APLF: variants seen among roughly 807,000 people sequenced by gnomAD.
APLF encodes aprataxin and PNKP like factor.
A neutral mutation model predicts 55.6 loss-of-function variants in APLF; 61 were observed. The observed-to-expected ratio is 1.10, with a 90% CI of 0.89 to 1.36. APLF has a LOEUF of 1.36. Among genes scored for constraint, APLF ranks in the 40% most tolerant of loss-of-function variants. The pLI, the probability that APLF is intolerant of heterozygous loss-of-function variation, is 0.00. For synonymous variants in APLF, 207 were observed against 214.8 expected (o/e 0.96, Z 0.32); for missense variants, 611 against 602.5 (o/e 1.01, Z -0.15).
Position 68,490,185 on chromosome 2 carries a change from T to C in APLF, c.97-5T>C, listed in dbSNP as rs1180340103. ...TCTTAATCTTTTAATTTTTTTACTG[T>C]ATAGATAACAGACAAGAGAGTATCC... is the stretch of plus-strand genomic sequence containing the variant. On this transcript the variant is annotated splice_region_variant and splice_polypyrimidine_tract_variant and intron_variant, in intron 1 of 9. Coordinates refer to ENST00000303795, the MANE Select transcript of APLF (RefSeq NM_173545.3). 6.3e-7 allele frequency: 1 copy of C among 1,595,924 alleles called. No homozygotes were observed. Among genetic ancestry groups the C allele is most frequent in the Non-Finnish European group, 8.5e-7 (1 of 1,174,260 alleles).
intron 2 of APLF, among the ~76,000 whole-genome samples, chr2:68,499,055 C>G (rs1358013946): frequency 1.3e-5 from 2 of 151,688 alleles, no homozygotes; most frequent in Non-Finnish European, 2.9e-5. Flanking sequence ...AAACAAAACA[C>G]TGAAAATAAG....
chr2:68,558,751 C>T (rs921657381), intron 8 of APLF, among the ~76,000 whole-genome samples: 20 of 152,204 alleles, frequency 1.3e-4, no homozygotes, highest in Middle Eastern at 3.4e-3. Flanking sequence ...AGGTATTAAG[C>T]CCAGCATCCA....
At chr2:68,523,329 C>T (rs1669944728) in intron 5 of APLF, among the ~76,000 whole-genome samples, 1 of 151,982 alleles carries the variant, frequency 6.6e-6, no homozygotes, top group East Asian at 1.9e-4. Flanking sequence ...GGAGTATTAT[C>T]GAACATTGCT....
Position 68,503,572 on chromosome 2 carries a change from A to G in APLF, c.341+669A>G, listed in dbSNP as rs1335746514. Among the ~76,000 whole-genome samples, 6 of 152,292 alleles carry G rather than the reference A, an allele frequency of 3.9e-5. No individual in the cohort carries two copies. In the South Asian group the frequency reaches 8.3e-4, roughly 21 times the overall value. On this transcript the variant is annotated intron_variant, in intron 3 of 9. Transcript: ENST00000303795. ...TTAACAATAAAATAGCTACACAAATATACAAATACTTTGAAATTAAATAAC... is the reference window on the plus strand; with the variant it reads ...TTAACAATAAAATAGCTACACAAATGTACAAATACTTTGAAATTAAATAAC...
chr2:68,565,002 G>A (rs1367312359), intron 8 of APLF, among the ~76,000 whole-genome samples: 1 of 151,972 alleles, frequency 6.6e-6, no homozygotes, highest in Non-Finnish European at 1.5e-5. Flanking sequence ...CATTTTCTCA[G>A]CTTTGTTACC....
chr2:68,567,700 A>T (rs1046489432), intron 9 of APLF, among the ~76,000 whole-genome samples: 1 of 152,082 alleles, frequency 6.6e-6, no homozygotes, highest in African/African-American at 2.4e-5. Flanking sequence ...AAACGTCCAG[A>T]GCTAGGGCTG....
rs1675476322 is a variant in APLF, at chr2:68,467,818, G to C, written c.87G>C (p.Pro29=). 1 of 1,233,126 alleles carries C rather than the reference G, an allele frequency of 8.1e-7. No individual in the cohort carries two copies. Among genetic ancestry groups the C allele is most frequent in the Non-Finnish European group, 1.0e-6 (1 of 988,110 alleles). 76.4% of individuals were successfully genotyped at this position (1,233,126 alleles called of 1,614,324 possible). A position where few individuals can be genotyped will look rare whatever the true frequency, so the allele number is the denominator to read the frequency against. ...GGGAGACGGTGATCGGCCGCGGGCC[G>C]CTGCTGGGAGTAAGTGTGGGCGGGG... ...APGETVIGRG[P]LLGITDKRVS... Residue 29 remains proline, a synonymous_variant, in exon 1 of 10, where the codon CCG becomes CCC. Coordinates refer to ENST00000303795, the MANE Select transcript of APLF (RefSeq NM_173545.3).
At chr2:68,472,741 T>C (rs1359644636) in intron 1 of APLF, among the ~76,000 whole-genome samples, 2 of 152,160 alleles carry the variant, frequency 1.3e-5, no homozygotes, top group African/African-American at 2.4e-5. Context: ...CTCTAAGATA[T>C]GGTGTGTTGG....
At chr2:68,470,822 C>T (rs900364288) in intron 1 of APLF, among the ~76,000 whole-genome samples, 1 of 152,104 alleles carries the variant, frequency 6.6e-6, no homozygotes, top group African/African-American at 2.4e-5. Context: ...GAGAAGAGTC[C>T]TCAGTTGGGG....
chr2:68,502,953 C>T (rs1358132756), intron 3 of APLF, 50 bp downstream of exon 3: 4 of 1,551,944 alleles, frequency 2.6e-6, no homozygotes, highest in Non-Finnish European at 3.5e-6. Context: ...AATCTAATTC[C>T]TCAGCCATCA....
chr2:68,520,036 T>G (rs1669850289), intron 5 of APLF, among the ~76,000 whole-genome samples: 1 of 152,028 alleles, frequency 6.6e-6, no homozygotes, highest in Non-Finnish European at 1.5e-5. Context: ...GATAATGCAC[T>G]GTGGTTTTGA....
chr2:68,572,062 C>T (rs1038097466), intron 9 of APLF, among the ~76,000 whole-genome samples: 2 of 145,522 alleles, frequency 1.4e-5, no homozygotes, highest in African/African-American at 5.6e-5. Flanking sequence ...CTTTTTTATT[C>T]AGAAGTTGAA....
chr2:68,471,238 T>C (rs527807889), intron 1 of APLF, among the ~76,000 whole-genome samples: 1 of 152,074 alleles, frequency 6.6e-6, no homozygotes, highest in South Asian at 2.1e-4. Flanking sequence ...GAAGTGAATT[T>C]AAATATAGTA....
rs973324426 is a variant in APLF at position 68,567,251 on chromosome 2, G to A, written c.1287-90G>A. On this transcript the variant is annotated intron_variant, in intron 8 of 9. Coordinates refer to ENST00000303795, the MANE Select transcript of APLF (RefSeq NM_173545.3). Reference sequence around the variant, plus strand: ...GGCCTATTGGGTCCTAAGTTTATTTGTAAGTTAGTCAGTGTTCTGGTTTAG... The same window carrying A: ...GGCCTATTGGGTCCTAAGTTTATTTATAAGTTAGTCAGTGTTCTGGTTTAG... 9 of 1,109,606 alleles carry A rather than the reference G, an allele frequency of 8.1e-6. No homozygotes were observed. In the African/African-American group the frequency reaches 1.1e-4, roughly 14 times the overall value. 68.7% of individuals were successfully genotyped at this position (1,109,606 alleles called of 1,614,324 possible).
chr2:68,532,115 C>T (rs1260406773), intron 6 of APLF, among the ~76,000 whole-genome samples: 1 of 152,288 alleles, frequency 6.6e-6, no homozygotes, highest in East Asian at 1.9e-4. Flanking sequence ...ACCCTCCATC[C>T]CTGCCCAGTT....
At chr2:68,532,381 C>A (rs1670282898) in intron 6 of APLF, among the ~76,000 whole-genome samples, 1 of 152,132 alleles carries the variant, frequency 6.6e-6, no homozygotes. Context: ...CCCAACTAGA[C>A]CTTGTTTCTG....
intron 1 of APLF, among the ~76,000 whole-genome samples, chr2:68,475,843 T>A (rs1002307986): frequency 6.6e-6 from 1 of 151,992 alleles, no homozygotes; most frequent in Non-Finnish European, 1.5e-5. Flanking sequence ...ATTTGTAGAT[T>A]TCTTTATAGT....
chr2:68,549,234 T>G (rs1315460170), intron 8 of APLF, among the ~76,000 whole-genome samples: 2 of 152,098 alleles, frequency 1.3e-5, no homozygotes, highest in African/African-American at 4.8e-5. Context: ...TGAAGAGGAT[T>G]CCATCATTTG....
rs2104088606 is a variant in APLF, at chr2:68,576,385, T to C, written c.1334-1435T>C. 2.0e-5 allele frequency among the ~76,000 whole-genome samples: 3 copies of C among 152,298 alleles called. 1 individual carries two copies. Among genetic ancestry groups the C allele is most frequent in the Admixed American group, 2.0e-4 (3 of 15,284 alleles). On this transcript the variant is annotated intron_variant, in intron 9 of 9. Coordinates refer to ENST00000303795, the MANE Select transcript of APLF (RefSeq NM_173545.3). ...CCTCAAGATGTTTACAGGAGCTGTATATACAGATATATGTAATGCAAGATT... is the reference window on the plus strand; with the variant it reads ...CCTCAAGATGTTTACAGGAGCTGTACATACAGATATATGTAATGCAAGATT...
Sources: allele counts gnomAD v4.1 joint callset (sites outside exome capture counted in the v4.1 genomes callset), GRCh38; gene constraint gnomAD v4.1.1; transcripts MANE v1.5; gene names NCBI Gene and HGNC (gene_info 2026-07-23, HGNC 2026-07-21).